Variants in SPAG4 observed in about 807,000 individuals in gnomAD.
The protein encoded by SPAG4 is sperm associated antigen 4.
In SPAG4, 54 loss-of-function variants were observed where a neutral mutation model predicts 53.9. The ratio of observed to expected loss-of-function variants is 1.00; its 90% CI spans 0.80 to 1.26. SPAG4 has a LOEUF of 1.26. Among genes scored for constraint, SPAG4 ranks in the 50% most tolerant of loss-of-function variants. The pLI is 0.00. For missense variants in SPAG4, 548 were observed against 568.6 expected (o/e 0.96, Z 0.37); for synonymous variants, 246 against 237.4 (o/e 1.04, Z -0.33).
chr20:35,620,322 A>G (rs982878498), intron 10 of SPAG4, among the ~76,000 whole-genome samples: 1 of 152,116 alleles, frequency 6.6e-6, no homozygotes, highest in Non-Finnish European at 1.5e-5. Flanking sequence ...TTTAAAGATG[A>G]AGAAAGTAAT....
chr20:35,619,706 C>T lies in SPAG4; in HGVS notation c.1037C>T (p.Thr346Ile). The T allele has an allele frequency of 2.5e-6, 4 of 1,612,778 alleles. No individual in the cohort carries two copies. Among genetic ancestry groups the T allele is most frequent in the African/African-American group, 2.7e-5 (2 of 75,014 alleles). Residue 346 changes from threonine (T) to isoleucine (I), a missense_variant, in exon 10 of 12, where the codon ACC (threonine) becomes ATC (isoleucine). Thr to Ile is a moderately conservative substitution (Grantham distance 89). Coordinates refer to ENST00000374273, the MANE Select transcript of SPAG4 (RefSeq NM_003116.3). ...CATCCACCGCCCAGCGTGGAGCACACCGGAGGAGCCAACAGCGCCCCCCGC... is the reference window on the plus strand; with the variant it reads ...CATCCACCGCCCAGCGTGGAGCACATCGGAGGAGCCAACAGCGCCCCCCGC... ...LQHPPPSVEH[T>I]GGANSAPRDF... is the part of the protein sequence containing the mutation.
At chr20:35,617,724 G>T in intron 3 of SPAG4, 55 bp from the exon 4 acceptor site, 1 of 1,582,426 alleles carries the variant, frequency 6.3e-7, no homozygotes, top group Non-Finnish European at 8.7e-7. Context: ...GGACCCTGGG[G>T]TGGGGACTGG....
Position 35,617,200 on chromosome 20 carries a change from G to C in SPAG4, c.369G>C (p.Arg123Ser). Residue 123 changes from arginine to serine, a missense_variant, in exon 2 of 12, where the codon AGG becomes AGC. By Grantham distance (110) the Arg-to-Ser change is moderately radical (BLOSUM62 -1). Coordinates refer to ENST00000374273, the MANE Select transcript of SPAG4 (RefSeq NM_003116.3). The stretch of plus-strand genomic sequence containing the variant: ...ACCTTCTCCCGACCCTGGATCTGAG[G>C]CAGGAGATGCCTCCCCCGCGGGTGT... ...PLDLLPTLDL[R>S]QEMPPPRVFK... The C allele has an allele frequency of 6.2e-7, 1 of 1,602,626 alleles. No homozygotes were observed. Among genetic ancestry groups the C allele is most frequent in the Non-Finnish European group, 8.5e-7 (1 of 1,174,786 alleles).
At chr20:35,620,624 C>T in intron 10 of SPAG4, 60 bp from the exon 11 acceptor site, 13 of 436,110 alleles carry the variant, frequency 3.0e-5, no homozygotes, top group South Asian at 1.5e-4. Flanking sequence ...TTTCTTCTCC[C>T]CGCCCCCCCC....
intron 5 of SPAG4, 21 bp downstream of exon 5, chr20:35,618,151 T>TG: frequency 1.2e-6 from 2 of 1,611,602 alleles, no homozygotes; most frequent in Non-Finnish European, 1.7e-6. Flanking sequence ...GAGACTGTCT[T>TG]GGGGTAGGGG....
chr20:35,616,372 C>A (rs2031379988), intron 1 of SPAG4, 65 bp downstream of exon 1: 2 of 1,321,894 alleles, frequency 1.5e-6, no homozygotes, highest in Non-Finnish European at 2.0e-6. Flanking sequence ...CGGTGCTGGG[C>A]GGGGACGGGG....
chr20:35,621,045 A>G lies in SPAG4; in HGVS notation c.*23A>G. On this transcript the variant is annotated 3_prime_UTR_variant, in exon 12 of 12. Coordinates refer to ENST00000374273, the MANE Select transcript of SPAG4 (RefSeq NM_003116.3). ...TAAACATGCTGATTTTTGGAGTAGA[A>G]TTGAGTTCTGCTGAAGGATACTGGA... The G allele has an allele frequency of 2.5e-6, 4 of 1,610,400 alleles. No homozygotes were observed. Among genetic ancestry groups the G allele is most frequent in the Non-Finnish European group, 3.4e-6 (4 of 1,176,930 alleles).
At position 35,617,213 on chromosome 20, in the gene SPAG4, C is replaced by T. The variant is rs1196526857; in HGVS notation, c.382C>T (p.Pro128Ser). ...PTLDLRQEMPPPRVFKSFLSL... is the reference protein window; with the variant it reads ...PTLDLRQEMPSPRVFKSFLSL... ...CCTGGATCTGAGGCAGGAGATGCCT[C>T]CCCCGCGGGTGTTCAAGAGCTTTCT... is the stretch of plus-strand genomic sequence containing the variant. The change falls in exon 2 of 12, where the codon CCC (proline) becomes TCC (serine). Residue 128 changes from proline (P) to serine (S), a missense_variant. Transcript: ENST00000374273. 1 of 1,600,988 alleles carries T rather than the reference C, an allele frequency of 6.2e-7. No individual in the cohort carries two copies. The highest frequency in any genetic ancestry group is 1.3e-5 in the African/African-American group (1 of 74,748).
intron 9 of SPAG4, 86 bp from the exon 10 acceptor site, chr20:35,619,493 G>T: frequency 6.4e-7 from 1 of 1,554,274 alleles, no homozygotes; most frequent in Non-Finnish European, 8.8e-7. Context: ...GCGGGTCGAT[G>T]GATGGGGTCG....
Position 35,621,001 on chromosome 20 carries a change from C to A in SPAG4, c.1293C>A (p.Gly431=). 1 of 1,614,122 alleles carries A rather than the reference C, an allele frequency of 6.2e-7. No homozygotes were observed. The highest frequency in any genetic ancestry group is 8.5e-7 in the Non-Finnish European group (1 of 1,179,996). ...HGVRTSEGAE[G]SAQGPH is the part of the protein sequence containing the mutation. ...TGCGAACCTCAGAGGGGGCAGAGGG[C>A]AGTGCACAGGGGCCCCATTAAACAT... The change falls in exon 12 of 12, where the codon GGC becomes GGA. Residue 431 remains glycine (G), a synonymous_variant. Coordinates refer to ENST00000374273, the MANE Select transcript of SPAG4 (RefSeq NM_003116.3).
chr20:35,619,054 C>T, intron 8 of SPAG4, 56 bp downstream of exon 8: 1 of 1,519,534 alleles, frequency 6.6e-7, no homozygotes, highest in East Asian at 2.3e-5. Context: ...GGCCAAGACA[C>T]TGACACAGAC....
At chr20:35,619,457 G>A in intron 9 of SPAG4, 122 bp from the exon 10 acceptor site, 2 of 1,415,758 alleles carry the variant, frequency 1.4e-6, no homozygotes, top group Admixed American at 3.5e-5. Context: ...GCTGGGGACT[G>A]GGGCGGGCTG....
In SPAG4 at chr20:35,616,309, T is replaced by G. The variant is rs1601403334; in HGVS notation, c.304+2T>G. ...CAACCGTGAGGGGCGGGGCCTCGGG[T>G]GCGGGCGGGGTCGACCCCGGGTGAG... On this transcript the variant is annotated splice_donor_variant, in intron 1 of 11. Coordinates refer to ENST00000374273, the MANE Select transcript of SPAG4 (RefSeq NM_003116.3). LOFTEE classifies it high-confidence loss of function. The G allele has an allele frequency of 3.0e-5, 38 of 1,253,368 alleles. No individual in the cohort carries two copies. Among genetic ancestry groups the G allele is most frequent in the Middle Eastern group, 2.8e-4 (1 of 3,568 alleles). 77.6% of individuals were successfully genotyped at this position (1,253,368 alleles called of 1,614,324 possible).
intron 7 of SPAG4, 21 bp downstream of exon 7, chr20:35,618,741 GA>G: frequency 6.5e-7 from 1 of 1,537,240 alleles, no homozygotes; most frequent in Admixed American, 1.9e-5. Context: ...GCCCACCTTG[GA>G]AACCCCTGAT....
At chr20:35,618,510 G>A (rs751132948) in intron 6 of SPAG4, 35 bp downstream of exon 6, 4 of 1,612,648 alleles carry the variant, frequency 2.5e-6, no homozygotes, top group South Asian at 2.2e-5. Context: ...AAATTGGGGG[G>A]CTCAAAGTTG....
chr20:35,616,683 G>A (rs1228684446), intron 1 of SPAG4, among the ~76,000 whole-genome samples: 1 of 149,212 alleles, frequency 6.7e-6, no homozygotes, highest in East Asian at 2.0e-4. Context: ...CCCATGCCAT[G>A]CAATGGCATG....
intron 1 of SPAG4, 74 bp from the exon 2 acceptor site, chr20:35,617,062 T>C (rs1288982150): frequency 2.3e-5 from 22 of 970,896 alleles, no homozygotes; most frequent in Non-Finnish European, 3.5e-5. Context: ...GACTGAGCAA[T>C]CTGCGGCCCG....
chr20:35,620,007 C>T (rs372965840), intron 10 of SPAG4, among the ~76,000 whole-genome samples: 1 of 152,168 alleles, frequency 6.6e-6, no homozygotes, highest in East Asian at 1.9e-4. Context: ...GCTCTTGTCA[C>T]CCAGGCTGCT....
chr20:35,617,639 G>A, intron 3 of SPAG4, 53 bp downstream of exon 3: 1 of 1,596,200 alleles, frequency 6.3e-7, no homozygotes, highest in Non-Finnish European at 8.6e-7. Flanking sequence ...AGGGGGTGGG[G>A]AGCAGGGCCG....
Sources: allele counts gnomAD v4.1 joint callset (sites outside exome capture counted in the v4.1 genomes callset), GRCh38; gene constraint gnomAD v4.1.1; transcripts MANE v1.5; gene names NCBI Gene and HGNC (gene_info 2026-07-23, HGNC 2026-07-21).